Variants in GAS1 observed in about 807,000 individuals in gnomAD.
The protein encoded by GAS1 is growth arrest specific 1.
A neutral mutation model predicts 21.6 loss-of-function variants in GAS1; 10 were observed. That is an observed-to-expected ratio of 0.46 (90% CI 0.29 to 0.79). The LOEUF is 0.79. Among genes scored for constraint, GAS1 ranks in the 30% least tolerant of loss-of-function variants. The probability of loss-of-function intolerance (pLI) is 0.10; values close to 1 mark genes in which losing one functional copy is unlikely to be tolerated. For synonymous variants in GAS1, 332 were observed against 264.0 expected, an observed-to-expected ratio of 1.26 and a Z score of -2.50; for missense variants, 567 against 544.3, an observed-to-expected ratio of 1.04 and a Z score of -0.42.
Position 86,945,520 on chromosome 9 carries a change from A to G in GAS1, c.*222T>C. ...CTGGAGCTTGGAATTGGGGCGGGGG[A>G]GGAGGTCCAAGAAGTCAAGCTCCGG... On this transcript the variant is annotated 3_prime_UTR_variant, in exon 1 of 1. Transcript: ENST00000298743. The G allele has an allele frequency of 2.5e-6, 1 of 407,318 alleles. No homozygotes were observed. The allele number at this position is 407,318 out of a possible 1,614,324, so 25.2% of individuals were successfully genotyped here.
chr9:86,945,380 C>T lies in GAS1; in HGVS notation c.*362G>A. 1 of 194,354 alleles carries T rather than the reference C, an allele frequency of 5.1e-6. No individual in the cohort carries two copies. The highest frequency in any genetic ancestry group is 1.0e-5 in the Non-Finnish European group (1 of 96,542). 12.0% of individuals were successfully genotyped at this position (194,354 alleles called of 1,614,324 possible). A position where few individuals can be genotyped will look rare whatever the true frequency, so the allele number is the denominator to read the frequency against. The stretch of plus-strand genomic sequence containing the variant: ...TTCAAATTGCTAAGGCCCCACTGGT[C>T]AGCACCTTCCCTTTCGAGTCCAGGA... On this transcript the variant is annotated 3_prime_UTR_variant, in exon 1 of 1. Transcript: ENST00000298743.
Position 86,946,545 on chromosome 9 carries a change from G to T in GAS1, c.235C>A (p.His79Asn). Residue 79 changes from histidine (H) to asparagine (N), a missense_variant, in exon 1 of 1, where the codon CAC becomes AAC. His to Asn is a moderately conservative substitution (Grantham distance 68). Coordinates refer to ENST00000298743, the MANE Select transcript of GAS1 (RefSeq NM_002048.3). The surrounding 1 kb of genome is among the most constrained non-coding windows in gnomAD (Gnocchi z 5.2). ...GCCCCGGGCGCGTCGCCCCCGCCGT[G>T]CTGCGCCAGCACCGGCGCGCACGCC... ...AEACAPVLAQHGGGDAPGAAA... is the reference protein window; with the variant it reads ...AEACAPVLAQNGGGDAPGAAA... The T allele has an allele frequency of 1.4e-6, 2 of 1,404,214 alleles. No individual in the cohort carries two copies. The highest frequency in any genetic ancestry group is 3.0e-5 in the African/African-American group (2 of 66,430). The allele number at this position is 1,404,214 out of a possible 1,614,324, so 87.0% of individuals were successfully genotyped here.
rs1301526075 is a variant in GAS1 at position 86,946,498 on chromosome 9, G to A, written c.282C>T (p.Ala94=). ...AGCGCGACGAGAAAGAGGCGGCCGA[G>A]GCCGGGAAAGCGGCGGCGGCGGCCC... ...APGAAAAAFP[A]SAASFSSRWR... The change falls in exon 1 of 1, where the codon GCC becomes GCT. Residue 94 remains alanine, a synonymous_variant. Coordinates refer to ENST00000298743, the MANE Select transcript of GAS1 (RefSeq NM_002048.3). The surrounding 1 kb of genome is among the most constrained non-coding windows in gnomAD (Gnocchi z 5.2). 8.3e-6 allele frequency: 12 copies of A among 1,444,354 alleles called. No individual in the cohort carries two copies. Among genetic ancestry groups the A allele is most frequent in the Non-Finnish European group, 1.1e-5 (12 of 1,100,240 alleles). The allele number at this position is 1,444,354 out of a possible 1,614,324, so 89.5% of individuals were successfully genotyped here.
At position 86,946,217 on chromosome 9, in the gene GAS1, G is replaced by A. The variant is rs549876121; in HGVS notation, c.563C>T (p.Thr188Ile). 22 of 1,597,166 alleles carry A rather than the reference G, an allele frequency of 1.4e-5. No individual in the cohort carries two copies. Among genetic ancestry groups the A allele is most frequent in the African/African-American group, 5.3e-5 (4 of 74,842 alleles). ...RCNLALSRYL[T>I]YCGKVFNGLR... ...CCCGTTGAAGACTTTGCCGCAGTAG[G>A]TCAGGTAGCGGCTCAGCGCCAGGTT... Residue 188 changes from threonine (T) to isoleucine (I), a missense_variant, in exon 1 of 1, where the codon ACC (threonine) becomes ATC (isoleucine). Thr to Ile is a moderately conservative substitution (Grantham distance 89, BLOSUM62 -1). Transcript: ENST00000298743. This position sits in a 1 kb window ranked among gnomAD's most constrained non-coding sequence, Gnocchi z 5.2.
rs1219315557 is a variant in GAS1, at chr9:86,946,649, C to T, written c.131G>A (p.Arg44His). 13 of 1,444,816 alleles carry T rather than the reference C, an allele frequency of 9.0e-6. No individual in the cohort carries two copies. The highest frequency in any genetic ancestry group is 1.2e-5 in the Non-Finnish European group (13 of 1,100,600). The allele number at this position is 1,444,816 out of a possible 1,614,324, so 89.5% of individuals were successfully genotyped here. Residue 44 changes from arginine to histidine, a missense_variant, in exon 1 of 1, where the codon CGC (arginine) becomes CAC (histidine). Transcript: ENST00000298743. This position sits in a 1 kb window ranked among gnomAD's most constrained non-coding sequence, Gnocchi z 5.2. ...CAGCGCCTGCCAGCAGATGAGGCGGCGGCCGTGCGCCAGCCCCGATCCCCG... is the reference window on the plus strand; with the variant it reads ...CAGCGCCTGCCAGCAGATGAGGCGGTGGCCGTGCGCCAGCCCCGATCCCCG... ...APRGSGLAHG[R>H]RLICWQALLQ...
rs1825476775 is a variant in GAS1, at chr9:86,945,819, C to A, written c.961G>T (p.Gly321Cys). The A allele has an allele frequency of 1.3e-6, 2 of 1,513,894 alleles. No individual in the cohort carries two copies. The highest frequency in any genetic ancestry group is 1.8e-6 in the Non-Finnish European group (2 of 1,132,548). The allele number at this position is 1,513,894 out of a possible 1,614,324, so 93.8% of individuals were successfully genotyped here. ...YGPGRRSSGG[G>C]GRLAPRGAWT... ...GCGCCCCGGGGCGCCAAGCGGCCGC[C>A]GCCGCCGCTGCTCCTGCGCCCAGGC... Residue 321 changes from glycine (G) to cysteine (C), a missense_variant, in exon 1 of 1, where the codon GGC (glycine) becomes TGC (cysteine). Coordinates refer to ENST00000298743, the MANE Select transcript of GAS1 (RefSeq NM_002048.3).
In GAS1 at chr9:86,946,429, G is replaced by A. The variant is rs1320961993; in HGVS notation, c.351C>T (p.Asn117=). The A allele has an allele frequency of 1.3e-6, 2 of 1,487,044 alleles. No homozygotes were observed. Among genetic ancestry groups the A allele is most frequent in the South Asian group, 1.2e-5 (1 of 80,148 alleles). The allele number at this position is 1,487,044 out of a possible 1,614,324, so 92.1% of individuals were successfully genotyped here. A position where few individuals can be genotyped will look rare whatever the true frequency, so the allele number is the denominator to read the frequency against. The change falls in exon 1 of 1, where the codon AAC becomes AAT. Residue 117 remains asparagine, a synonymous_variant. Transcript: ENST00000298743. The surrounding 1 kb of genome is among the most constrained non-coding windows in gnomAD (Gnocchi z 5.2). ...CCAGGGCGGGCCCGCGGCGCGTGTG[G>A]TTGAGCTGAATGAGGGCCGAGATGC... ...SHCISALIQL[N]HTRRGPALED... is the part of the protein sequence containing the mutation.
chr9:86,946,099 G>A lies in GAS1; in HGVS notation c.681C>T (p.Leu227=), dbSNP rs776408950. The change falls in exon 1 of 1, where the codon CTC becomes CTT. Residue 227 remains leucine (L), a synonymous_variant. Coordinates refer to ENST00000298743, the MANE Select transcript of GAS1 (RefSeq NM_002048.3). The surrounding 1 kb of genome is among the most constrained non-coding windows in gnomAD (Gnocchi z 5.2). ...ALLNDCVCDG[L]ERPICESVKE... Reference sequence around the variant, plus strand: ...TGACCGACTCGCAGATGGGCCGCTCGAGGCCGTCGCACACGCAGTCGTTGA... The same window carrying A: ...TGACCGACTCGCAGATGGGCCGCTCAAGGCCGTCGCACACGCAGTCGTTGA... The A allele has an allele frequency of 1.9e-6, 3 of 1,608,496 alleles. No homozygotes were observed. The highest frequency in any genetic ancestry group is 1.1e-5 in the South Asian group (1 of 91,070).
In GAS1 at chr9:86,946,094, C is replaced by G; in HGVS notation, c.686G>C (p.Arg229Pro). The G allele has an allele frequency of 1.2e-6, 2 of 1,608,194 alleles. No individual in the cohort carries two copies. The highest frequency in any genetic ancestry group is 1.7e-6 in the Non-Finnish European group (2 of 1,179,602). The change falls in exon 1 of 1, where the codon CGG becomes CCG. Residue 229 changes from arginine (R) to proline (P), a missense_variant. Coordinates refer to ENST00000298743, the MANE Select transcript of GAS1 (RefSeq NM_002048.3). The surrounding 1 kb of genome is among the most constrained non-coding windows in gnomAD (Gnocchi z 5.2). ...CTCCTTGACCGACTCGCAGATGGGC[C>G]GCTCGAGGCCGTCGCACACGCAGTC... ...LNDCVCDGLE[R>P]PICESVKENM... is the part of the protein sequence containing the mutation.
Position 86,945,966 on chromosome 9 carries a change from C to G in GAS1, c.814G>C (p.Glu272Gln). 1 of 1,603,954 alleles carries G rather than the reference C, an allele frequency of 6.2e-7. No individual in the cohort carries two copies. The highest frequency in any genetic ancestry group is 8.5e-7 in the Non-Finnish European group (1 of 1,177,540). ...CCACCCGCGCCCCCGGTGCGCTGCT[C>G]GTCATCGTAGTCCTCATCGTAGTAG... ...DDYYDEDYDD[E>Q]QRTGGAGGEQ... Residue 272 changes from glutamate (E) to glutamine (Q), a missense_variant, in exon 1 of 1, where the codon GAG becomes CAG. By Grantham distance (29) the Glu-to-Gln change is conservative. Coordinates refer to ENST00000298743, the MANE Select transcript of GAS1 (RefSeq NM_002048.3).
rs1825482691 is a variant in GAS1 at position 86,946,059 on chromosome 9, G to C, written c.721C>G (p.Arg241Gly). 1.2e-6 allele frequency: 2 copies of C among 1,607,384 alleles called. No individual in the cohort carries two copies. Among genetic ancestry groups the C allele is most frequent in the Non-Finnish European group, 1.7e-6 (2 of 1,179,528 alleles). The change falls in exon 1 of 1, where the codon CGC becomes GGC. Residue 241 changes from arginine to glycine, a missense_variant. Physicochemically the swap from Arg to Gly is moderately radical, Grantham distance 125. Transcript: ENST00000298743. The surrounding 1 kb of genome is among the most constrained non-coding windows in gnomAD (Gnocchi z 5.2). ...CCCAGCTCGGCGCCGAAGCACAGGC[G>C]GGCCATGTTCTCCTTGACCGACTCG... Reference protein sequence around the residue: ...ICESVKENMARLCFGAELGNG... With the variant: ...ICESVKENMAGLCFGAELGNG...
rs1563989242 is a variant in GAS1 at position 86,946,983 on chromosome 9, T to C, written c.-204A>G. On this transcript the variant is annotated 5_prime_UTR_variant, in exon 1 of 1. Coordinates refer to ENST00000298743, the MANE Select transcript of GAS1 (RefSeq NM_002048.3). This position sits in a 1 kb window ranked among gnomAD's most constrained non-coding sequence, Gnocchi z 5.2. ...TCTGGCTGCGGTGGCTTCCTGGAAA[T>C]GAACAGCTGTCGAGATCTGGTCCCG... 9.3e-6 allele frequency: 3 copies of C among 321,870 alleles called. No homozygotes were observed. The highest frequency in any genetic ancestry group is 1.8e-5 in the Non-Finnish European group (3 of 169,058). 19.9% of individuals were successfully genotyped at this position (321,870 alleles called of 1,614,324 possible). A position where few individuals can be genotyped will look rare whatever the true frequency, so the allele number is the denominator to read the frequency against.
chr9:86,946,521 C>A lies in GAS1; in HGVS notation c.259G>T (p.Ala87Ser), dbSNP rs1013928267. Residue 87 changes from alanine (A) to serine (S), a missense_variant, in exon 1 of 1, where the codon GCC (alanine) becomes TCC (serine). Coordinates refer to ENST00000298743, the MANE Select transcript of GAS1 (RefSeq NM_002048.3). This position sits in a 1 kb window ranked among gnomAD's most constrained non-coding sequence, Gnocchi z 5.2. The part of the protein sequence containing the change: ...AQHGGGDAPG[A>S]AAAAFPASAA... ...GAGGCCGGGAAAGCGGCGGCGGCGGCCCCGGGCGCGTCGCCCCCGCCGTGC... is the reference window on the plus strand; with the variant it reads ...GAGGCCGGGAAAGCGGCGGCGGCGGACCCGGGCGCGTCGCCCCCGCCGTGC... The A allele has an allele frequency of 1.4e-6, 2 of 1,429,478 alleles. No homozygotes were observed. The highest frequency in any genetic ancestry group is 1.8e-6 in the Non-Finnish European group (2 of 1,093,470). 88.5% of individuals were successfully genotyped at this position (1,429,478 alleles called of 1,614,324 possible).
Position 86,946,721 on chromosome 9 carries a change from G to T in GAS1, c.59C>A (p.Ala20Asp). The change falls in exon 1 of 1, where the codon GCC becomes GAC. Residue 20 changes from alanine to aspartate, a missense_variant. Physicochemically the swap from Ala to Asp is moderately radical, Grantham distance 126. Coordinates refer to ENST00000298743, the MANE Select transcript of GAS1 (RefSeq NM_002048.3). This position sits in a 1 kb window ranked among gnomAD's most constrained non-coding sequence, Gnocchi z 5.2. ...GEARGGTVPG[A>D]WLCLMALLQL... is the part of the protein sequence containing the mutation. The stretch of plus-strand genomic sequence containing the variant: ...CAGCAGCGCCATCAGGCACAGCCAG[G>T]CGCCCGGCACTGTCCCCCCGCGGGC... 1.4e-6 allele frequency: 2 copies of T among 1,379,926 alleles called. No individual in the cohort carries two copies. The highest frequency in any genetic ancestry group is 1.5e-5 in the South Asian group (1 of 65,056). The allele number at this position is 1,379,926 out of a possible 1,614,324, so 85.5% of individuals were successfully genotyped here.
chr9:86,946,689 G>A lies in GAS1; in HGVS notation c.91C>T (p.Leu31=). The A allele has an allele frequency of 2.1e-6, 3 of 1,412,076 alleles. No homozygotes were observed. Among genetic ancestry groups the A allele is most frequent in the South Asian group, 2.9e-5 (2 of 69,884 alleles). 87.5% of individuals were successfully genotyped at this position (1,412,076 alleles called of 1,614,324 possible). A position where few individuals can be genotyped will look rare whatever the true frequency, so the allele number is the denominator to read the frequency against. ...WLCLMALLQL[L]GSAPRGSGLA... Reference sequence around the variant, plus strand: ...CCCGATCCCCGCGGCGCCGAGCCCAGCAGCTGCAGCAGCGCCATCAGGCAC... The same window carrying A: ...CCCGATCCCCGCGGCGCCGAGCCCAACAGCTGCAGCAGCGCCATCAGGCAC... The change falls in exon 1 of 1, where the codon CTG becomes TTG. Residue 31 remains leucine, a synonymous_variant. Transcript: ENST00000298743. The surrounding 1 kb of genome is among the most constrained non-coding windows in gnomAD (Gnocchi z 5.2).
chr9:86,946,874 T>C lies in GAS1; in HGVS notation c.-95A>G. Reference sequence around the variant, plus strand: ...CCGGTGGAAAAGTTTGTCCAAGTCCTGCCCACTTCTTGCATGAGTGTCTTC... The same window carrying C: ...CCGGTGGAAAAGTTTGTCCAAGTCCCGCCCACTTCTTGCATGAGTGTCTTC... On this transcript the variant is annotated 5_prime_UTR_variant, in exon 1 of 1. Coordinates refer to ENST00000298743, the MANE Select transcript of GAS1 (RefSeq NM_002048.3). This position sits in a 1 kb window ranked among gnomAD's most constrained non-coding sequence, Gnocchi z 5.2. 5.2e-6 allele frequency: 2 copies of C among 383,122 alleles called. No homozygotes were observed. The highest frequency in any genetic ancestry group is 9.5e-6 in the Non-Finnish European group (2 of 210,240). The allele number at this position is 383,122 out of a possible 1,614,324, so 23.7% of individuals were successfully genotyped here.
Position 86,946,337 on chromosome 9 carries a change from G to A in GAS1, c.443C>T (p.Pro148Leu). The A allele has an allele frequency of 2.8e-6, 4 of 1,448,626 alleles. No homozygotes were observed. Among genetic ancestry groups the A allele is most frequent in the Non-Finnish European group, 3.6e-6 (4 of 1,101,846 alleles). The allele number at this position is 1,448,626 out of a possible 1,614,324, so 89.7% of individuals were successfully genotyped here. The stretch of plus-strand genomic sequence containing the variant: ...GCCCGCGCCGCCGCCGCTCGTCCGG[G>A]GCAGGCACGGCTCAATGGCGCGCTT... ...STKRAIEPCL[P>L]RTSGGGAGGP... The change falls in exon 1 of 1, where the codon CCC becomes CTC. Residue 148 changes from proline to leucine, a missense_variant. Pro to Leu is a moderately conservative substitution (Grantham distance 98). Coordinates refer to ENST00000298743, the MANE Select transcript of GAS1 (RefSeq NM_002048.3). This position sits in a 1 kb window ranked among gnomAD's most constrained non-coding sequence, Gnocchi z 5.2.
At position 86,945,857 on chromosome 9, in the gene GAS1, TC is replaced by T; in HGVS notation, c.922del (p.Asp308ThrfsTer71). 6.7e-7 allele frequency: 1 copy of T among 1,482,978 alleles called. No individual in the cohort carries two copies. The highest frequency in any genetic ancestry group is 2.5e-5 in the Admixed American group (1 of 39,854). The allele number at this position is 1,482,978 out of a possible 1,614,324, so 91.9% of individuals were successfully genotyped here. A position where few individuals can be genotyped will look rare whatever the true frequency, so the allele number is the denominator to read the frequency against. ...CCTGCGCCCAGGCCCATAGGGCAGG[TC>T]CCCGCGGCCGCCCGATGCAGCAGCG... ...SGAAASGGRG[D>X]LPYGPGRRSS... On this transcript the variant is annotated frameshift_variant, in exon 1 of 1. Transcript: ENST00000298743. LOFTEE classifies it high-confidence loss of function.
chr9:86,946,408 G>C lies in GAS1; in HGVS notation c.372C>G (p.Ala124=), dbSNP rs1362045285. 8 of 1,491,884 alleles carry C rather than the reference G, an allele frequency of 5.4e-6. No homozygotes were observed. The highest frequency in any genetic ancestry group is 7.1e-6 in the Non-Finnish European group (8 of 1,125,252). The allele number at this position is 1,491,884 out of a possible 1,614,324, so 92.4% of individuals were successfully genotyped here. A position where few individuals can be genotyped will look rare whatever the true frequency, so the allele number is the denominator to read the frequency against. The part of the protein sequence containing the change: ...IQLNHTRRGP[A]LEDCDCAQDE... ...CCTGCGCGCAGTCACAGTCCTCCAG[G>C]GCGGGCCCGCGGCGCGTGTGGTTGA... The change falls in exon 1 of 1, where the codon GCC becomes GCG. Residue 124 remains alanine, a synonymous_variant. Transcript: ENST00000298743. This position sits in a 1 kb window ranked among gnomAD's most constrained non-coding sequence, Gnocchi z 5.2.
Sources: gnomAD v4.1 joint callset for allele counts on GRCh38, gnomAD v4.1.1 for gene constraint, Gnocchi (gnomAD v3.1) non-coding constraint, MANE v1.5 for transcripts, NCBI Gene and HGNC (gene_info 2026-07-23, HGNC 2026-07-21) for gene names.